The following ATP13A4 variants were observed in gnomAD, a reference collection of about 807,000 sequenced individuals.
The protein encoded by ATP13A4 is ATPase 13A4.
ATP13A4 carries 114 observed loss-of-function variants against 142.5 expected under a neutral mutation model. The observed-to-expected ratio is 0.80, with a 90% CI of 0.69 to 0.93. The LOEUF is 0.93. ATP13A4 is among the 40% of genes least tolerant of loss of function. The pLI is 0.00. For missense variants in ATP13A4, 1,392 were observed against 1,454.0 expected, an observed-to-expected ratio of 0.96 and a Z score of 0.69; for synonymous variants, 488 against 514.8, an observed-to-expected ratio of 0.95 and a Z score of 0.70.
chr3:193,437,415 A>C (rs1473238538), intron 23 of ATP13A4, among the ~76,000 whole-genome samples: 1 of 152,146 alleles, frequency 6.6e-6, no homozygotes, highest in Non-Finnish European at 1.5e-5. Flanking sequence ...AAGATTTGTC[A>C]AATGCATGAA....
intron 8 of ATP13A4, among the ~76,000 whole-genome samples, chr3:193,471,586 A>G (rs913086282): frequency 6.6e-6 from 1 of 152,038 alleles, no homozygotes; most frequent in African/African-American, 2.4e-5. Context: ...TGCCTCAAAA[A>G]AAAAAAAATC....
chr3:193,543,920 T>C (rs979784910), intron 1 of ATP13A4, among the ~76,000 whole-genome samples: 3 of 152,182 alleles, frequency 2.0e-5, no homozygotes, highest in African/African-American at 7.2e-5. Context: ...ACAGCATCAG[T>C]TTAGCTTGAA....
intron 2 of ATP13A4, among the ~76,000 whole-genome samples, chr3:193,563,906 G>A (rs537568121): frequency 5.1e-4 from 77 of 152,278 alleles, no homozygotes; most frequent in Admixed American, 2.2e-3. Context: ...GTTCAAAAGA[G>A]AGAAAATGAG....
At chr3:193,498,525 C>T (rs1304813140) in intron 3 of ATP13A4, among the ~76,000 whole-genome samples, 2 of 152,178 alleles carry the variant, frequency 1.3e-5, no homozygotes, top group Non-Finnish European at 2.9e-5. Context: ...CATATTGTCA[C>T]AGAGCAATGG....
In ATP13A4 at chr3:193,457,163, G is replaced by A; in HGVS notation, c.1762-10C>T. On this transcript the variant is annotated splice_polypyrimidine_tract_variant and intron_variant, in intron 15 of 29. Transcript: ENST00000342695. ...TTCCTTCCACTGGGACCTGGTTGAG[G>A]GATGGGGAAAGGAGAGGAACATGCT... 1.2e-6 allele frequency: 2 copies of A among 1,612,800 alleles called. No individual in the cohort carries two copies. The highest frequency in any genetic ancestry group is 1.7e-6 in the Non-Finnish European group (2 of 1,180,008).
chr3:193,580,760 C>T (rs952480663), intron 2 of ATP13A4, among the ~76,000 whole-genome samples: 5 of 151,980 alleles, frequency 3.3e-5, no homozygotes, highest in African/African-American at 9.7e-5. Flanking sequence ...AGGAAAGGTA[C>T]GGTTTTGAAC....
At chr3:193,578,026 G>A (rs1419361425) in intron 2 of ATP13A4, among the ~76,000 whole-genome samples, 1 of 152,152 alleles carries the variant, frequency 6.6e-6, no homozygotes, top group Non-Finnish European at 1.5e-5. Context: ...TAGGTGCGGT[G>A]GCTCACTCTT....
Position 193,503,037 on chromosome 3 carries a change from C to G in ATP13A4, c.235-398G>C, listed in dbSNP as rs141769839. On this transcript the variant is annotated intron_variant, in intron 2 of 29. Coordinates refer to ENST00000342695, the MANE Select transcript of ATP13A4 (RefSeq NM_032279.4). The stretch of plus-strand genomic sequence containing the variant: ...TTAACACCCTTCCACCGGGGCGGGG[C>G]AGGGGGGGGAACTATCACTTTGTTA... 2.1e-3 allele frequency among the ~76,000 whole-genome samples: 309 copies of G among 149,208 alleles called. 2 individuals carry two copies. The highest frequency in any genetic ancestry group is 0.012 in the East Asian group (60 of 5,178).
At chr3:193,516,978 A>T (rs1408466160) in intron 1 of ATP13A4, among the ~76,000 whole-genome samples, 1 of 152,216 alleles carries the variant, frequency 6.6e-6, no homozygotes, top group Non-Finnish European at 1.5e-5. Flanking sequence ...CTAGCAGCTA[A>T]CACTTATTGG....
At chr3:193,584,615 A>AT (rs150108003) in intron 1 of ATP13A4, among the ~76,000 whole-genome samples, 4,704 of 148,696 alleles carry the variant, frequency 0.032, 176 homozygotes, top group African/African-American at 0.09. Context: ...CTTTTCTTCT[A>AT]TTTTTTTTTT....
intron 17 of ATP13A4, among the ~76,000 whole-genome samples, chr3:193,448,692 G>T (rs1157482946): frequency 1.3e-5 from 2 of 152,180 alleles, no homozygotes; most frequent in African/African-American, 4.8e-5. Context: ...CTGTCATAGT[G>T]GTTCCATTCA....
intron 25 of ATP13A4, among the ~76,000 whole-genome samples, chr3:193,427,168 A>C (rs1025811989): frequency 1.3e-5 from 2 of 152,114 alleles, no homozygotes; most frequent in African/African-American, 4.8e-5. Flanking sequence ...ACTAACAGAG[A>C]AACAGCCAAA....
chr3:193,403,434 AT>A (rs1714346094), intron 29 of ATP13A4, among the ~76,000 whole-genome samples: 1 of 152,180 alleles, frequency 6.6e-6, no homozygotes. Context: ...TGTCTCCGTG[AT>A]TAGAATAATC....
At chr3:193,423,421 T>C (rs1576945866) in intron 25 of ATP13A4, among the ~76,000 whole-genome samples, 1 of 149,376 alleles carries the variant, frequency 6.7e-6, no homozygotes, top group South Asian at 2.1e-4. Context: ...TAAATATAGA[T>C]GTAAAAAAAA....
At chr3:193,544,857 A>C (rs908627057) in intron 1 of ATP13A4, among the ~76,000 whole-genome samples, 4 of 152,344 alleles carry the variant, frequency 2.6e-5, no homozygotes, top group Admixed American at 6.5e-5. Context: ...AGATATGAGC[A>C]GAAGGTTTGA....
At position 193,436,996 on chromosome 3, in the gene ATP13A4, T is replaced by C. The variant is rs975586260; in HGVS notation, c.2673-1252A>G. Among the ~76,000 whole-genome samples, 6 of 144,408 alleles carry C rather than the reference T, an allele frequency of 4.2e-5. 1 individual carries two copies. Among genetic ancestry groups the C allele is most frequent in the Admixed American group, 2.1e-4 (3 of 14,502 alleles). The allele number at this position is 144,408 out of a possible 152,430, so 94.7% of individuals were successfully genotyped here. A position where few individuals can be genotyped will look rare whatever the true frequency, so the allele number is the denominator to read the frequency against. On this transcript the variant is annotated intron_variant, in intron 23 of 29. Transcript: ENST00000342695. ...GCGGGCGCCTGTAGTCCCAGCTACT[T>C]GGGAGGCTGAGGCAGGAGAATGGCG...
At chr3:193,558,789 G>T (rs1723955702), upstream of ATP13A4, among the ~76,000 whole-genome samples, 1 of 152,216 alleles carries the variant, frequency 6.6e-6, no homozygotes, top group African/African-American at 2.4e-5. Context: ...GAATTGAGAG[G>T]AATGTCCAAA....
At chr3:193,461,676 C>G (rs1369085197) in intron 13 of ATP13A4, among the ~76,000 whole-genome samples, 1 of 152,074 alleles carries the variant, frequency 6.6e-6, no homozygotes, top group African/African-American at 2.4e-5. Flanking sequence ...CCACAAAGAA[C>G]CTTTCATGTA....
chr3:193,452,207 G>A (rs1221552128), intron 17 of ATP13A4, among the ~76,000 whole-genome samples: 2 of 152,176 alleles, frequency 1.3e-5, no homozygotes, highest in African/African-American at 4.8e-5. Flanking sequence ...CTTGGCAACA[G>A]CCTGTCAGGA....
Sources: allele counts gnomAD v4.1 joint callset (sites outside exome capture counted in the v4.1 genomes callset), GRCh38; gene constraint gnomAD v4.1.1; transcripts MANE v1.5; gene names NCBI Gene and HGNC (gene_info 2026-07-23, HGNC 2026-07-21).